Variants in TNC observed in about 807,000 individuals in gnomAD.
TNC encodes tenascin.
In TNC, 109 loss-of-function variants were observed where a neutral mutation model predicts 202.4. The ratio of observed to expected loss-of-function variants is 0.54; its 90% confidence interval spans 0.46 to 0.63. The LOEUF is 0.63. Ranked by LOEUF, TNC falls within the 30% of genes least tolerant of loss-of-function variation. TNC has a pLI of 0.00. For synonymous variants in TNC, 1,007 were observed against 1,089.7 expected, an observed-to-expected ratio of 0.92 and a Z score of 1.50; for missense variants, 2,756 against 2,833.3, an observed-to-expected ratio of 0.97 and a Z score of 0.62.
rs552007106 is a variant in TNC, at chr9:115,042,208, G to A, written c.5248+11C>T. The stretch of plus-strand genomic sequence containing the variant: ...CACTCCTCCTCTCTCTCCCCTTTCC[G>A]AGTCTCCTACCTCCTGTAATGGGCA... On this transcript the variant is annotated intron_variant, in intron 18 of 27. Transcript: ENST00000350763. 25 of 1,611,474 alleles carry A rather than the reference G, an allele frequency of 1.6e-5. No individual in the cohort carries two copies. Among genetic ancestry groups the A allele is most frequent in the South Asian group, 8.8e-5 (8 of 90,754 alleles).
intron 15 of TNC, among the ~76,000 whole-genome samples, chr9:115,056,214 T>A (rs1832106754): frequency 6.6e-6 from 1 of 151,580 alleles, no homozygotes. Context: ...TTTTTTTTTC[T>A]AGTTTGTGAT....
intron 14 of TNC, among the ~76,000 whole-genome samples, chr9:115,057,821 T>G (rs1832250762): frequency 6.6e-6 from 1 of 152,226 alleles, no homozygotes; most frequent in Non-Finnish European, 1.5e-5. Flanking sequence ...TTGAATTGCA[T>G]TAAGGAAACC....
At chr9:115,062,736 A>G (rs1832644746) in intron 13 of TNC, among the ~76,000 whole-genome samples, 181 bp downstream of exon 13, 1 of 152,234 alleles carries the variant, frequency 6.6e-6, no homozygotes, top group East Asian at 1.9e-4. Context: ...ATACATACAC[A>G]TATAGTCCCA....
chr9:115,083,812 C>T (rs956499211), intron 4 of TNC, among the ~76,000 whole-genome samples: 2 of 152,092 alleles, frequency 1.3e-5, no homozygotes, highest in African/African-American at 4.8e-5. Flanking sequence ...GCCATGCTGG[C>T]CAGGCTGGTC....
Position 115,019,933 on chromosome 9 carries a change from T to C in TNC, c.*1224A>G, listed in dbSNP as rs968331783. On this transcript the variant is annotated 3_prime_UTR_variant, in exon 28 of 28. Transcript: ENST00000350763. Reference sequence around the variant, plus strand: ...TACCTCAACTATATCATAGAGTTTCTAGGAGTTGCATTAGAAAATGAGTAT... The same window carrying C: ...TACCTCAACTATATCATAGAGTTTCCAGGAGTTGCATTAGAAAATGAGTAT... The C allele has an allele frequency of 6.6e-6, 1 of 152,236 alleles. No homozygotes were observed. Among genetic ancestry groups the C allele is most frequent in the Non-Finnish European group, 1.5e-5 (1 of 68,040 alleles). The allele number at this position is 152,236 out of a possible 1,614,324, so 9.4% of individuals were successfully genotyped here. A position where few individuals can be genotyped will look rare whatever the true frequency, so the allele number is the denominator to read the frequency against.
rs567425647 is a variant in TNC, at chr9:115,020,397, A to C, written c.*760T>G. On this transcript the variant is annotated 3_prime_UTR_variant, in exon 28 of 28. Transcript: ENST00000350763. Reference sequence around the variant, plus strand: ...TAAAAAAAGTGCTTCCCTCTCTCCCAGTCTTTAGTCTCCTTTCCACCCCTC... The same window carrying C: ...TAAAAAAAGTGCTTCCCTCTCTCCCCGTCTTTAGTCTCCTTTCCACCCCTC... The C allele has an allele frequency of 6.1e-6, 1 of 163,454 alleles. No homozygotes were observed. Among genetic ancestry groups the C allele is most frequent in the South Asian group, 1.6e-4 (1 of 6,098 alleles). The allele number at this position is 163,454 out of a possible 1,614,324, so 10.1% of individuals were successfully genotyped here. A position where few individuals can be genotyped will look rare whatever the true frequency, so the allele number is the denominator to read the frequency against.
chr9:115,098,238 G>A (rs1368104134), intron 1 of TNC, among the ~76,000 whole-genome samples: 1 of 152,178 alleles, frequency 6.6e-6, no homozygotes, highest in African/African-American at 2.4e-5. Flanking sequence ...GCATTACTGT[G>A]AGATAAAAAT....
intron 26 of TNC, among the ~76,000 whole-genome samples, chr9:115,026,097 ATC>A (rs1487987867): frequency 6.6e-6 from 1 of 152,204 alleles, no homozygotes; most frequent in Non-Finnish European, 1.5e-5. Flanking sequence ...AAGATGCAGA[ATC>A]TCAGCCCCAT....
intron 26 of TNC, among the ~76,000 whole-genome samples, chr9:115,025,533 G>T (rs1162882988): frequency 6.6e-6 from 1 of 151,996 alleles, no homozygotes; most frequent in East Asian, 1.9e-4. Flanking sequence ...GGTTGCATGG[G>T]GGTGGTCCAC....
intron 1 of TNC, among the ~76,000 whole-genome samples, chr9:115,112,124 C>T (rs977997180): frequency 6.6e-6 from 1 of 152,148 alleles, no homozygotes; most frequent in Non-Finnish European, 1.5e-5. Flanking sequence ...GAGAATAAGA[C>T]TCTGCTCATT....
At chr9:115,041,823 C>T (rs1456578493) in intron 18 of TNC, among the ~76,000 whole-genome samples, 1 of 152,222 alleles carries the variant, frequency 6.6e-6, no homozygotes, top group Non-Finnish European at 1.5e-5. Context: ...AGCTTGCCAT[C>T]ATTTGCTGAG....
intron 20 of TNC, 119 bp from the exon 21 acceptor site, chr9:115,036,360 A>G: frequency 8.7e-7 from 1 of 1,144,510 alleles, no homozygotes; most frequent in East Asian, 2.4e-5. Flanking sequence ...CCCTGCGGAA[A>G]AGCAGGTCTG....
At position 115,060,077 on chromosome 9, in the gene TNC, T is replaced by G. The variant is rs1832433536; in HGVS notation, c.4034-75A>C. The G allele has an allele frequency of 5.0e-6, 7 of 1,408,866 alleles. No individual in the cohort carries two copies. The South Asian group carries it at 1.0e-4, about 21-fold the overall frequency. The allele number at this position is 1,408,866 out of a possible 1,614,324, so 87.3% of individuals were successfully genotyped here. A position where few individuals can be genotyped will look rare whatever the true frequency, so the allele number is the denominator to read the frequency against. On this transcript the variant is annotated intron_variant, in intron 13 of 27. Transcript: ENST00000350763. ...GAAACCAAACATCCCACAGCCCAAC[T>G]CTAGGAAAGAGAGAAAGGGGAAAGA...
chr9:115,046,070 G>GT (rs35950885), intron 17 of TNC, among the ~76,000 whole-genome samples: 17,310 of 149,442 alleles, frequency 0.12, 1,286 homozygotes, highest in Non-Finnish European at 0.18. Flanking sequence ...TCTTTGGAAC[G>GT]TAAAAAAAAA....
intron 1 of TNC, among the ~76,000 whole-genome samples, chr9:115,093,775 G>C (rs998938926): frequency 6.6e-6 from 1 of 152,172 alleles, no homozygotes. Flanking sequence ...AGAGTTTAGG[G>C]TAATAATGAC....
chr9:115,038,152 G>C, intron 20 of TNC, 109 bp downstream of exon 20: 1 of 1,421,970 alleles, frequency 7.0e-7, no homozygotes, highest in Non-Finnish European at 9.5e-7. Flanking sequence ...ACCTACCCAT[G>C]CATTTTTATC....
At chr9:115,038,126 A>G (rs1328254918) in intron 20 of TNC, 135 bp downstream of exon 20, 2 of 1,184,272 alleles carry the variant, frequency 1.7e-6, no homozygotes, top group East Asian at 2.5e-5. Context: ...CCACATGAAC[A>G]TTACTGGCCT....
rs1286739659 is a variant in TNC, at chr9:115,046,607, T to G, written c.4928A>C (p.Asp1643Ala). 1.2e-6 allele frequency: 2 copies of G among 1,614,052 alleles called. No homozygotes were observed. Among genetic ancestry groups the G allele is most frequent in the Middle Eastern group, 1.7e-4 (1 of 6,030 alleles). Residue 1643 changes from aspartate (D) to alanine (A), a missense_variant, in exon 17 of 28, where the codon GAT (aspartate) becomes GCT (alanine). By Grantham distance (126) the Asp-to-Ala change is moderately radical (BLOSUM62 -2). This residue lies in a region of TNC where 2,559 missense variants were observed against 2,546.0 expected (regional missense o/e 1.01). Coordinates refer to ENST00000350763, the MANE Select transcript of TNC (RefSeq NM_002160.4). ...PDGFRLSWTA[D>A]EGVFDNFVLK... ...AACAAAATTGTCGAAGACCCCTTCA[T>G]CAGCTGTCCAGGACAGACGGAAACC... is the stretch of plus-strand genomic sequence containing the variant.
rs1300861693 is a variant in TNC at position 115,020,686 on chromosome 9, A to T, written c.*471T>A. On this transcript the variant is annotated 3_prime_UTR_variant, in exon 28 of 28. Transcript: ENST00000350763. ...AATATTAATCATATCCTTAAAATGG[A>T]AACAGTATTGCTTTTCTGGTTTCTG... 2.9e-6 allele frequency: 1 copy of T among 339,896 alleles called. No homozygotes were observed. Among genetic ancestry groups the T allele is most frequent in the East Asian group, 7.8e-5 (1 of 12,784 alleles). 21.1% of individuals were successfully genotyped at this position (339,896 alleles called of 1,614,324 possible). A position where few individuals can be genotyped will look rare whatever the true frequency, so the allele number is the denominator to read the frequency against.
Sources: allele counts gnomAD v4.1 joint callset (sites outside exome capture counted in the v4.1 genomes callset), GRCh38; gene constraint gnomAD v4.1.1; regional missense constraint gnomAD v4.1.1; transcripts MANE v1.5; gene names NCBI Gene and HGNC (gene_info 2026-07-23, HGNC 2026-07-21).